CIT: variants seen among roughly 807,000 people sequenced by gnomAD.
CIT encodes the protein citron rho-interacting serine/threonine kinase, also known as citron Rho-interacting kinase.
CIT carries 79 observed loss-of-function variants against 272.7 expected under a neutral mutation model. The ratio of observed to expected loss-of-function variants is 0.29; its 90% CI spans 0.24 to 0.35. The LOEUF (loss-of-function observed/expected upper bound fraction) is 0.35. Among genes scored for constraint, CIT ranks in the 10% least tolerant of loss-of-function variants. The pLI is 1.00. For synonymous variants in CIT, 948 were observed against 995.6 expected (o/e 0.95, Z 0.90); for missense variants, 1,909 against 2,618.3 (o/e 0.73, Z 5.91).
chr12:119,751,092 A>C (rs1593592290), intron 23 of CIT, among the ~76,000 whole-genome samples: 1 of 152,106 alleles, frequency 6.6e-6, no homozygotes, highest in South Asian at 2.1e-4. Context: ...ATACTATGAG[A>C]AATGTATGAG....
chr12:119,761,079 A>G, intron 19 of CIT, 24 bp from the exon 20 acceptor site: 1 of 1,545,002 alleles, frequency 6.5e-7, no homozygotes, highest in Non-Finnish European at 9.0e-7. Context: ...AGCAGCAGCA[A>G]ATGTTCTCAG....
chr12:119,782,660 T>C (rs1191074691), intron 12 of CIT, 23 bp from the exon 13 acceptor site: 2 of 1,613,068 alleles, frequency 1.2e-6, no homozygotes, highest in South Asian at 2.2e-5. Context: ...AAAATTTTAA[T>C]AGGGATGCCC....
intron 3 of CIT, among the ~76,000 whole-genome samples, chr12:119,862,847 A>AAAAAAAAAAAAAAAAAAAAAAAC (rs1950394655): frequency 8.6e-6 from 1 of 116,148 alleles, no homozygotes; most frequent in African/African-American, 3.8e-5. Flanking sequence ...AAAAGAAAAA[A>AAAAAAAAAAAAAAAAAAAAAAAC]CCAAAAAAAA....
At chr12:119,691,822 T>TGAGC (rs1457040447) in intron 46 of CIT, among the ~76,000 whole-genome samples, 10 of 152,200 alleles carry the variant, frequency 6.6e-5, no homozygotes, top group Non-Finnish European at 1.0e-4. Flanking sequence ...TGATCAGCTC[T>TGAGC]AAAAGTACTA....
chr12:119,688,033 G>T lies in CIT; in HGVS notation c.*199C>A. 1 of 620,734 alleles carries T rather than the reference G, an allele frequency of 1.6e-6. No homozygotes were observed. The highest frequency in any genetic ancestry group is 2.9e-6 in the Non-Finnish European group (1 of 344,828). 38.5% of individuals were successfully genotyped at this position (620,734 alleles called of 1,614,324 possible). On this transcript the variant is annotated 3_prime_UTR_variant, in exon 48 of 48. Transcript: ENST00000392521. ...CAGGGAGGTGCCCAGGGCAGGCACC[G>T]GGCGCTGACAGCTCCGAAGAGCCTC...
Position 119,718,610 on chromosome 12 carries a change from C to A in CIT, c.4003+89G>T. On this transcript the variant is annotated intron_variant, in intron 31 of 47. Coordinates refer to ENST00000392521, the MANE Select transcript of CIT (RefSeq NM_001206999.2). This position sits in a 1 kb window ranked among gnomAD's most constrained non-coding sequence, Gnocchi z 4.8. ...AGCGTATGGGCCATAAACGAAGACA[C>A]TGAGCTAGTTAGTCTTGGCTGATCT... 1 of 1,547,206 alleles carries A rather than the reference C, an allele frequency of 6.5e-7. No homozygotes were observed. Among genetic ancestry groups the A allele is most frequent in the Non-Finnish European group, 8.8e-7 (1 of 1,131,980 alleles).
chr12:119,858,739 G>A (rs556049717), intron 3 of CIT, among the ~76,000 whole-genome samples: 6 of 151,566 alleles, frequency 4.0e-5, no homozygotes, highest in South Asian at 2.1e-4. Flanking sequence ...GGAGAATGGC[G>A]TGAACCTGGG....
intron 5 of CIT, among the ~76,000 whole-genome samples, chr12:119,843,427 C>T (rs1969544891): frequency 6.6e-6 from 1 of 152,096 alleles, no homozygotes; most frequent in Non-Finnish European, 1.5e-5. Flanking sequence ...GCCTGAAACC[C>T]ACACAGCAGA....
At chr12:119,715,940 T>G (rs1204423916) in intron 32 of CIT, among the ~76,000 whole-genome samples, 1 of 152,160 alleles carries the variant, frequency 6.6e-6, no homozygotes, top group Non-Finnish European at 1.5e-5. Context: ...ATAACAGGAA[T>G]GCACTTTGAA....
intron 10 of CIT, among the ~76,000 whole-genome samples, chr12:119,785,521 A>G (rs955349928): frequency 6.6e-6 from 1 of 152,110 alleles, no homozygotes; most frequent in African/African-American, 2.4e-5. Context: ...GAGAGAGTGC[A>G]GCCTTGTCTA....
chr12:119,857,431 T>C lies in CIT; in HGVS notation c.414+92A>G, dbSNP rs1435374766. 3.0e-6 allele frequency: 4 copies of C among 1,311,828 alleles called. No individual in the cohort carries two copies. In the African/African-American group the frequency reaches 5.9e-5, roughly 19 times the overall value. The allele number at this position is 1,311,828 out of a possible 1,614,324, so 81.3% of individuals were successfully genotyped here. A position where few individuals can be genotyped will look rare whatever the true frequency, so the allele number is the denominator to read the frequency against. ...TATAGAGTCACAGAGGAAAACGTGC[T>C]TGATCCTAGACGCCAGTGCAGCAGA... is the stretch of plus-strand genomic sequence containing the variant. On this transcript the variant is annotated intron_variant, in intron 4 of 47. Coordinates refer to ENST00000392521, the MANE Select transcript of CIT (RefSeq NM_001206999.2).
Position 119,728,414 on chromosome 12 carries a change from G to C in CIT, c.3591+88C>G, listed in dbSNP as rs1392880856. ...TCTGTGCTTTCTGCTCAATTTTGCTGTGAACCTAAAGCTGCTCCAAAAAAA... is the reference window on the plus strand; with the variant it reads ...TCTGTGCTTTCTGCTCAATTTTGCTCTGAACCTAAAGCTGCTCCAAAAAAA... On this transcript the variant is annotated intron_variant, in intron 28 of 47. Transcript: ENST00000392521. The surrounding 1 kb of genome is among the most constrained non-coding windows in gnomAD (Gnocchi z 4.3). 1 of 775,666 alleles carries C rather than the reference G, an allele frequency of 1.3e-6. No individual in the cohort carries two copies. 48.0% of individuals were successfully genotyped at this position (775,666 alleles called of 1,614,324 possible). A position where few individuals can be genotyped will look rare whatever the true frequency, so the allele number is the denominator to read the frequency against.
chr12:119,699,655 C>T, intron 44 of CIT: 1 of 363,528 alleles, frequency 2.8e-6, no homozygotes, highest in East Asian at 7.4e-5. Flanking sequence ...TAAGCGCCCA[C>T]ATTATGGCCA....
intron 41 of CIT, among the ~76,000 whole-genome samples, chr12:119,703,421 CTTTTTTTTT>C (rs34483318): frequency 7.6e-5 from 8 of 105,718 alleles, no homozygotes; most frequent in East Asian, 4.6e-4. Context: ...CTTCATTTCA[CTTTTTTTTT>C]TTTTTTTTTT....
intron 5 of CIT, among the ~76,000 whole-genome samples, chr12:119,847,616 C>T (rs1270763720): frequency 2.0e-5 from 3 of 150,612 alleles, no homozygotes; most frequent in African/African-American, 4.9e-5. Flanking sequence ...AAAGAAAAGG[C>T]GCAGTGGCTC....
At chr12:119,790,019 T>C (rs1389305547) in intron 10 of CIT, among the ~76,000 whole-genome samples, 1 of 152,048 alleles carries the variant, frequency 6.6e-6, no homozygotes, top group Non-Finnish European at 1.5e-5. Context: ...CGGCCTGTTT[T>C]CTTTTTCTAA....
intron 7 of CIT, among the ~76,000 whole-genome samples, chr12:119,832,360 G>C (rs975177597): frequency 1.3e-5 from 2 of 152,094 alleles, no homozygotes; most frequent in African/African-American, 4.8e-5. Context: ...AGGATATTTG[G>C]TTCAAATGCT....
Position 119,712,583 on chromosome 12 carries a change from C to T in CIT, c.4684+8G>A. 1 of 1,613,710 alleles carries T rather than the reference C, an allele frequency of 6.2e-7. No homozygotes were observed. The highest frequency in any genetic ancestry group is 8.5e-7 in the Non-Finnish European group (1 of 1,179,606). ...CTCCAGGGCGGGGCTCCTCCGGCTC[C>T]TCCTCACCTGCTTTGGCTGTATTTG... On this transcript the variant is annotated splice_region_variant and intron_variant, in intron 36 of 47. Coordinates refer to ENST00000392521, the MANE Select transcript of CIT (RefSeq NM_001206999.2). The surrounding 1 kb of genome is among the most constrained non-coding windows in gnomAD (Gnocchi z 5.2).
chr12:119,724,226 T>C (rs566842884), intron 28 of CIT, among the ~76,000 whole-genome samples: 10 of 152,216 alleles, frequency 6.6e-5, no homozygotes, highest in South Asian at 4.2e-4. Context: ...CCCAGGAACA[T>C]TGCAAGGACT....
Sources: gnomAD v4.1 joint callset for allele counts (sites outside exome capture counted in the v4.1 genomes callset) on GRCh38, gnomAD v4.1.1 for gene constraint, Gnocchi (gnomAD v3.1) non-coding constraint, MANE v1.5 for transcripts, NCBI Gene and HGNC (gene_info 2026-07-23, HGNC 2026-07-21) for gene names.